LATS2: variants seen among roughly 807,000 people sequenced by gnomAD.
LATS2 encodes the protein large tumor suppressor kinase 2, also known as serine/threonine-protein kinase LATS2.
LATS2 carries 24 observed loss-of-function variants against 76.0 expected under a neutral mutation model. The observed-to-expected ratio is 0.32, with a 90% CI of 0.23 to 0.44. LATS2 has a LOEUF of 0.44. Ranked by LOEUF, LATS2 falls within the 20% of genes least tolerant of loss-of-function variation. LATS2 has a pLI of 1.00. For missense variants in LATS2, 1,286 were observed against 1,481.2 expected, an observed-to-expected ratio of 0.87 and a Z score of 2.16; for synonymous variants, 692 against 635.4, an observed-to-expected ratio of 1.09 and a Z score of -1.34.
In LATS2 at chr13:20,981,460, A is replaced by G. The variant is rs993305630; in HGVS notation, c.2665+6T>C. On this transcript the variant is annotated splice_donor_region_variant and intron_variant, in intron 6 of 7. Transcript: ENST00000382592. ...CCTGCGGGGTGGCTGGCCATGGCGC[A>G]TGTACCTTTGCGGAGGAGCACCTCG... 6 of 1,611,918 alleles carry G rather than the reference A, an allele frequency of 3.7e-6. No individual in the cohort carries two copies. In the African/African-American group the frequency reaches 6.7e-5, roughly 18 times the overall value.
At chr13:21,001,835 C>A (rs374578315) in intron 2 of LATS2, among the ~76,000 whole-genome samples, 1 of 151,880 alleles carries the variant, frequency 6.6e-6, no homozygotes, top group Non-Finnish European at 1.5e-5. Flanking sequence ...GCCGAGACAG[C>A]GCCCCTGCAC....
In LATS2 at chr13:20,981,544, T is replaced by C. The variant is rs1595210605; in HGVS notation, c.2587A>G (p.Lys863Glu). The C allele has an allele frequency of 1.9e-6, 3 of 1,614,164 alleles. No homozygotes were observed. The African/African-American group carries it at 4.0e-5, about 22-fold the overall frequency. ...RLKTLEQRAR[K>E]QHQRCLAHSL... Reference sequence around the variant, plus strand: ...TGTGCCAGGCACCTCTGGTGCTGCTTCCGCGCCCTCTGCTCTAGGGTCTTC... The same window carrying C: ...TGTGCCAGGCACCTCTGGTGCTGCTCCCGCGCCCTCTGCTCTAGGGTCTTC... Residue 863 changes from lysine (K) to glutamate (E), a missense_variant, in exon 6 of 8, where the codon AAG (lysine) becomes GAG (glutamate). Coordinates refer to ENST00000382592, the MANE Select transcript of LATS2 (RefSeq NM_014572.3).
intron 4 of LATS2, among the ~76,000 whole-genome samples, chr13:20,985,904 C>T (rs1013575960): frequency 2.6e-5 from 4 of 151,790 alleles, no homozygotes; most frequent in East Asian, 1.9e-4. Context: ...ACTAGCTGGG[C>T]GTGGTGGTGC....
intron 2 of LATS2, among the ~76,000 whole-genome samples, chr13:21,043,098 C>G (rs1565963959): frequency 6.6e-6 from 1 of 152,084 alleles, no homozygotes; most frequent in East Asian, 1.9e-4. Flanking sequence ...CCTTGGGAGG[C>G]CGAACGAAGC....
At chr13:21,025,261 A>G (rs1872265325) in intron 2 of LATS2, among the ~76,000 whole-genome samples, 1 of 151,656 alleles carries the variant, frequency 6.6e-6, no homozygotes, top group African/African-American at 2.4e-5. Flanking sequence ...GTATGGTGGC[A>G]AGCACCTATA....
chr13:21,017,569 T>G (rs1011121222), intron 2 of LATS2, among the ~76,000 whole-genome samples: 1 of 152,032 alleles, frequency 6.6e-6, no homozygotes. Context: ...CACTAAAAAA[T>G]GCTTGGGTGT....
chr13:21,048,942 G>A (rs1477219746), intron 1 of LATS2, among the ~76,000 whole-genome samples: 1 of 152,202 alleles, frequency 6.6e-6, no homozygotes, highest in Non-Finnish European at 1.5e-5. Context: ...CAAGTTTACT[G>A]TCAAGTGAAA....
chr13:20,980,785 C>A (rs1432154728), intron 6 of LATS2, among the ~76,000 whole-genome samples: 1 of 152,208 alleles, frequency 6.6e-6, no homozygotes, highest in Non-Finnish European at 1.5e-5. Flanking sequence ...CTGAGTCTGG[C>A]TGGCTCCAAA....
At chr13:21,032,509 G>T (rs756362357) in intron 2 of LATS2, among the ~76,000 whole-genome samples, 5 of 152,036 alleles carry the variant, frequency 3.3e-5, no homozygotes, top group Non-Finnish European at 5.9e-5. Context: ...TCAAGCAATC[G>T]CCCACCTCAG....
chr13:21,016,207 G>C (rs1189221480), intron 2 of LATS2, among the ~76,000 whole-genome samples: 1 of 151,810 alleles, frequency 6.6e-6, no homozygotes, highest in Non-Finnish European at 1.5e-5. Flanking sequence ...GGCTGGTCTT[G>C]AACTCCTGAC....
chr13:21,047,130 G>A (rs1479170415), intron 1 of LATS2, among the ~76,000 whole-genome samples: 3 of 152,130 alleles, frequency 2.0e-5, no homozygotes, highest in African/African-American at 7.2e-5. Flanking sequence ...CCCAGGCCTC[G>A]TTCACGGCCT....
At chr13:21,009,934 T>A (rs1156982304) in intron 2 of LATS2, among the ~76,000 whole-genome samples, 1 of 152,140 alleles carries the variant, frequency 6.6e-6, no homozygotes, top group Non-Finnish European at 1.5e-5. Context: ...GCGTGGTGGC[T>A]CATGCCTGTA....
At chr13:21,006,645 T>C (rs1871277742) in intron 2 of LATS2, among the ~76,000 whole-genome samples, 1 of 152,230 alleles carries the variant, frequency 6.6e-6, no homozygotes, top group Non-Finnish European at 1.5e-5. Context: ...TGCTCTTCAC[T>C]TCCAGACAAA....
chr13:21,034,338 T>C (rs187396415), intron 2 of LATS2, among the ~76,000 whole-genome samples: 72 of 152,256 alleles, frequency 4.7e-4, no homozygotes, highest in African/African-American at 1.6e-3. Flanking sequence ...CCCAGTTGCA[T>C]TGGGGTGGCC....
intron 6 of LATS2, among the ~76,000 whole-genome samples, chr13:20,980,356 T>C (rs1374000996): frequency 6.6e-6 from 1 of 152,222 alleles, no homozygotes; most frequent in Non-Finnish European, 1.5e-5. Context: ...GGCTGGCCTC[T>C]GGGAGGCTGT....
chr13:20,983,588 G>A lies in LATS2; in HGVS notation c.2118C>T (p.Asn706=). 1.2e-6 allele frequency: 2 copies of A among 1,614,140 alleles called. No homozygotes were observed. Among genetic ancestry groups the A allele is most frequent in the Non-Finnish European group, 1.7e-6 (2 of 1,180,036 alleles). ...CCTTGACGTGGGCCACCTGATTCCG[G>A]TTCAGGACATCCTTTTTCCTTAGGG... ...MKTLRKKDVL[N]RNQVAHVKAE... is the part of the protein sequence containing the mutation. The change falls in exon 5 of 8, where the codon AAC becomes AAT. Residue 706 remains asparagine (N), a synonymous_variant. Transcript: ENST00000382592.
At position 21,045,982 on chromosome 13, in the gene LATS2, G is replaced by A. The variant is rs200704585; in HGVS notation, c.45C>T (p.Ser15=). 5 of 1,614,002 alleles carry A rather than the reference G, an allele frequency of 3.1e-6. No individual in the cohort carries two copies. The highest frequency in any genetic ancestry group is 4.2e-6 in the Non-Finnish European group (5 of 1,179,978). The part of the protein sequence containing the change: ...TFPATTYSGN[S]RQRLQEIREG... ...CACGAATCTCTTGCAGTCGCTGCCG[G>A]CTATTTCCAGAATAAGTCGTGGCAG... Residue 15 remains serine (S), a synonymous_variant, in exon 2 of 8, where the codon AGC becomes AGT. Coordinates refer to ENST00000382592, the MANE Select transcript of LATS2 (RefSeq NM_014572.3).
At chr13:21,009,925 C>A (rs1455798729) in intron 2 of LATS2, among the ~76,000 whole-genome samples, 1 of 152,112 alleles carries the variant, frequency 6.6e-6, no homozygotes, top group Non-Finnish European at 1.5e-5. Flanking sequence ...AAGGGCCAGG[C>A]GTGGTGGCTC....
At chr13:21,048,069 T>A (rs781366840) in intron 1 of LATS2, among the ~76,000 whole-genome samples, 2 of 152,246 alleles carry the variant, frequency 1.3e-5, no homozygotes, top group Admixed American at 6.5e-5. Context: ...CTGGGGCCTG[T>A]ACTGGCCACA....
Sources: allele counts gnomAD v4.1 joint callset (sites outside exome capture counted in the v4.1 genomes callset), GRCh38; gene constraint gnomAD v4.1.1; transcripts MANE v1.5; gene names NCBI Gene and HGNC (gene_info 2026-07-23, HGNC 2026-07-21).